The following MSH4 variants were observed in gnomAD, a reference collection of about 807,000 sequenced individuals.
The protein encoded by MSH4 is mutS homolog 4, also known as mutS protein homolog 4.
In MSH4, 106 loss-of-function variants were observed where a neutral mutation model predicts 113.7. The ratio of observed to expected loss-of-function variants is 0.93; its 90% confidence interval spans 0.80 to 1.10. The LOEUF (loss-of-function observed/expected upper bound fraction) is 1.10, where lower values mean the gene tolerates loss of function less well. Among genes scored for constraint, MSH4 ranks in the 50% least tolerant of loss-of-function variants. MSH4 has a pLI of 0.00. For synonymous variants in MSH4, 368 were observed against 380.2 expected (o/e 0.97, Z 0.37); for missense variants, 1,061 against 1,093.7 (o/e 0.97, Z 0.42).
chr1:75,876,725 G>A (rs968100528), intron 9 of MSH4, among the ~76,000 whole-genome samples: 3 of 151,962 alleles, frequency 2.0e-5, no homozygotes, highest in African/African-American at 7.2e-5. Context: ...GCAGTGGATG[G>A]CACTAATTAG....
intron 15 of MSH4, among the ~76,000 whole-genome samples, chr1:75,884,946 C>T (rs1468548430): frequency 1.4e-5 from 2 of 146,792 alleles, no homozygotes; most frequent in Non-Finnish European, 3.0e-5. Flanking sequence ...CTATGAGGAG[C>T]TAATATATAT....
intron 15 of MSH4, among the ~76,000 whole-genome samples, chr1:75,885,017 GTATATATA>G (rs368190243): frequency 1.5e-5 from 2 of 135,514 alleles, no homozygotes; most frequent in African/African-American, 2.9e-5. Context: ...GTGTATGTGT[GTATATATA>G]TATATGTGTG....
chr1:75,827,382 T>C (rs896565803), intron 7 of MSH4, among the ~76,000 whole-genome samples: 1 of 151,894 alleles, frequency 6.6e-6, no homozygotes, highest in South Asian at 2.1e-4. Flanking sequence ...ACTGTAAAAA[T>C]ACACCATAAT....
chr1:75,848,274 A>C lies in MSH4; in HGVS notation c.1228A>C (p.Thr410Pro). 1 of 1,593,564 alleles carries C rather than the reference A, an allele frequency of 6.3e-7. No homozygotes were observed. Among genetic ancestry groups the C allele is most frequent in the Non-Finnish European group, 8.6e-7 (1 of 1,162,712 alleles). ...SVLVQIPKQDTVNAAESKITN... is the reference protein window; with the variant it reads ...SVLVQIPKQDPVNAAESKITN... Reference sequence around the variant, plus strand: ...TTTAGTCCAAATTCCAAAGCAAGACACGGTATGTTTTTGTATACATTTTGT... The same window carrying C: ...TTTAGTCCAAATTCCAAAGCAAGACCCGGTATGTTTTTGTATACATTTTGT... Residue 410 changes from threonine (T) to proline (P), a missense_variant and splice_region_variant, in exon 8 of 20, where the codon ACG becomes CCG. Coordinates refer to ENST00000263187, the MANE Select transcript of MSH4 (RefSeq NM_002440.4).
At chr1:75,832,400 A>G (rs1481749620) in intron 7 of MSH4, among the ~76,000 whole-genome samples, 1 of 152,204 alleles carries the variant, frequency 6.6e-6, no homozygotes, top group Non-Finnish European at 1.5e-5. Context: ...ATTCTGATCA[A>G]TAGAAAAAGA....
intron 17 of MSH4, among the ~76,000 whole-genome samples, chr1:75,895,303 A>T (rs967062652): frequency 1.3e-5 from 2 of 152,156 alleles, no homozygotes; most frequent in Non-Finnish European, 2.9e-5. Flanking sequence ...TCCTTAGGGT[A>T]TCTCCGTTCT....
At chr1:75,902,733 A>ATG (rs1553139966) in intron 19 of MSH4, among the ~76,000 whole-genome samples, 35 of 93,134 alleles carry the variant, frequency 3.8e-4, no homozygotes, top group East Asian at 5.8e-4. Flanking sequence ...ATATATATAT[A>ATG]TAGTTCTTTT....
chr1:75,843,002 G>A (rs1557505984), intron 7 of MSH4, among the ~76,000 whole-genome samples: 1 of 152,166 alleles, frequency 6.6e-6, no homozygotes, highest in Non-Finnish European at 1.5e-5. Flanking sequence ...CTGCCTTCTA[G>A]ATAGCAGTAA....
chr1:75,835,824 T>C lies in MSH4; in HGVS notation c.1163-12385T>C, dbSNP rs1650815527. On this transcript the variant is annotated intron_variant, in intron 7 of 19. Transcript: ENST00000263187. ...TCTTCTCTTCATCACTATGTCTCAA[T>C]GTGCTGCAATCTTATTTCTGTGCCC... Among the ~76,000 whole-genome samples the C allele has an allele frequency of 2.6e-5, 4 of 152,336 alleles. No homozygotes were observed. In the South Asian group the frequency reaches 8.3e-4, roughly 32 times the overall value.
chr1:75,892,500 G>GT (rs1652278195), intron 17 of MSH4, among the ~76,000 whole-genome samples: 1 of 151,988 alleles, frequency 6.6e-6, no homozygotes. Flanking sequence ...GACAATAGTG[G>GT]TAAGTAAAAT....
chr1:75,896,961 T>C (rs572057231), intron 17 of MSH4, among the ~76,000 whole-genome samples: 2 of 152,214 alleles, frequency 1.3e-5, no homozygotes, highest in South Asian at 4.1e-4. Flanking sequence ...AATTTTCATT[T>C]TTCTGTCATA....
At chr1:75,812,164 G>A (rs1463130789) in intron 4 of MSH4, among the ~76,000 whole-genome samples, 1 of 152,060 alleles carries the variant, frequency 6.6e-6, no homozygotes, top group Admixed American at 6.5e-5. Flanking sequence ...GAAATGTATT[G>A]GCTTATGTAA....
At chr1:75,868,560 A>C (rs1296436445) in intron 9 of MSH4, among the ~76,000 whole-genome samples, 1 of 152,290 alleles carries the variant, frequency 6.6e-6, no homozygotes, top group East Asian at 1.9e-4. Context: ...TATAGAGATT[A>C]TTCTAATAAA....
intron 9 of MSH4, among the ~76,000 whole-genome samples, chr1:75,869,107 A>G (rs905152961): frequency 6.6e-6 from 1 of 152,176 alleles, no homozygotes; most frequent in African/African-American, 2.4e-5. Flanking sequence ...CAAAATGCTG[A>G]TAGTTATAGG....
chr1:75,822,108 C>T (rs202205916), intron 6 of MSH4, among the ~76,000 whole-genome samples: 3 of 151,968 alleles, frequency 2.0e-5, no homozygotes, highest in East Asian at 3.9e-4. Flanking sequence ...GGTGAAACCC[C>T]GTCTCTACTA....
chr1:75,907,981 A>G (rs1652705185), intron 19 of MSH4, among the ~76,000 whole-genome samples: 1 of 150,144 alleles, frequency 6.7e-6, no homozygotes, highest in African/African-American at 2.5e-5. Context: ...GAGTGCTGGT[A>G]TTATAGGCAT....
intron 19 of MSH4, among the ~76,000 whole-genome samples, chr1:75,907,443 C>T (rs1363911958): frequency 6.6e-6 from 1 of 151,640 alleles, no homozygotes; most frequent in Non-Finnish European, 1.5e-5. Context: ...TCTCTTTGTC[C>T]TTGACCTTTG....
At chr1:75,814,513 A>G (rs1226990062) in intron 4 of MSH4, among the ~76,000 whole-genome samples, 2 of 151,888 alleles carry the variant, frequency 1.3e-5, no homozygotes, top group Middle Eastern at 3.4e-3. Flanking sequence ...AATTCACTTT[A>G]TGTAAATAGT....
At chr1:75,907,271 A>G (rs1333389070) in intron 19 of MSH4, among the ~76,000 whole-genome samples, 1 of 152,064 alleles carries the variant, frequency 6.6e-6, no homozygotes, top group Non-Finnish European at 1.5e-5. Context: ...AAGTTTTGCT[A>G]GGTATAGTAT....
Sources: gnomAD v4.1 joint callset for allele counts (sites outside exome capture counted in the v4.1 genomes callset) on GRCh38, gnomAD v4.1.1 for gene constraint, MANE v1.5 for transcripts, NCBI Gene and HGNC (gene_info 2026-07-23, HGNC 2026-07-21) for gene names.